Variants in WDPCP observed in about 807,000 individuals in gnomAD.
WDPCP encodes the protein WD repeat-containing and planar cell polarity effector protein fritz homolog.
Under a neutral mutation model 93.1 loss-of-function variants are expected in WDPCP, and 71 were observed. The observed-to-expected ratio is 0.76, with a 90% confidence interval of 0.63 to 0.93. The LOEUF (loss-of-function observed/expected upper bound fraction) is 0.93. Ranked by LOEUF, WDPCP falls within the 40% of genes least tolerant of loss-of-function variation. WDPCP has a pLI of 0.00. For synonymous variants in WDPCP, 315 were observed against 315.0 expected, an observed-to-expected ratio of 1.00 and a Z score of 0.00; for missense variants, 844 against 887.4, an observed-to-expected ratio of 0.95 and a Z score of 0.62.
intron 1 of WDPCP, among the ~76,000 whole-genome samples, chr2:63,560,829 T>C (rs1021516992): frequency 2.0e-5 from 3 of 152,054 alleles, no homozygotes; most frequent in South Asian, 2.1e-4. Context: ...CTGGGGCCTG[T>C]TGGGAGGTAG....
intron 13 of WDPCP, among the ~76,000 whole-genome samples, chr2:63,300,612 C>T (rs1333096326): frequency 6.6e-6 from 1 of 152,178 alleles, no homozygotes; most frequent in Non-Finnish European, 1.5e-5. Context: ...TTCCTGTTTG[C>T]AACTATCATA....
intron 2 of WDPCP, among the ~76,000 whole-genome samples, chr2:63,688,755 CCTA>C (rs1668848271): frequency 6.6e-6 from 1 of 151,946 alleles, no homozygotes; most frequent in Non-Finnish European, 1.5e-5. Flanking sequence ...AATATATATA[CCTA>C]CTATGTACTC....
intron 12 of WDPCP, among the ~76,000 whole-genome samples, chr2:63,319,628 A>G (rs1421082010): frequency 6.6e-6 from 1 of 151,998 alleles, no homozygotes; most frequent in Non-Finnish European, 1.5e-5. Context: ...ACAGGGGCCC[A>G]CTACCGCGCC....
intron 14 of WDPCP, among the ~76,000 whole-genome samples, chr2:63,215,609 A>G (rs1677257035): frequency 6.6e-6 from 1 of 152,246 alleles, no homozygotes; most frequent in South Asian, 2.1e-4. Context: ...TAAAAACCCT[A>G]GAAGAAAACC....
At chr2:63,345,664 C>A (rs1689142950) in intron 12 of WDPCP, among the ~76,000 whole-genome samples, 1 of 152,174 alleles carries the variant, frequency 6.6e-6, no homozygotes. Context: ...AACATCAAGG[C>A]AGGTCTGCTT....
chr2:63,209,576 G>T (rs896617783), intron 14 of WDPCP, among the ~76,000 whole-genome samples: 1 of 152,176 alleles, frequency 6.6e-6, no homozygotes, highest in Non-Finnish European at 1.5e-5. Flanking sequence ...ATGTTTTGGG[G>T]TTTATAAGAA....
chr2:63,835,389 C>CAAAAAAAAAAA, the WDPCP span, among the ~76,000 whole-genome samples: 4 of 42,318 alleles, frequency 9.5e-5, no homozygotes, highest in Non-Finnish European at 1.5e-4. Context: ...GACTCCATCT[C>CAAAAAAAAAAA]AAAAAAAAAA....
chr2:63,648,549 C>T (rs550367976), intron 3 of WDPCP, among the ~76,000 whole-genome samples: 2 of 152,160 alleles, frequency 1.3e-5, no homozygotes. Context: ...CCTCTGACAA[C>T]CTGCAACCCC....
At position 63,710,931 on chromosome 2, in the gene WDPCP, A is replaced by G. The variant is rs370536070; in HGVS notation, n.309-60093T>C. 9.2e-5 allele frequency among the ~76,000 whole-genome samples: 14 copies of G among 152,328 alleles called. No homozygotes were observed. In the South Asian group the frequency reaches 2.9e-3, roughly 32 times the overall value. On this transcript the variant is annotated intron_variant and non_coding_transcript_variant, in intron 2 of 4. Transcript: ENST00000467687. ...TGAAAAGGCAGGCTCATGCTGGAGT[A>G]AGCTGTGCCCAGGGAAGCTGCAACA...
intron 13 of WDPCP, among the ~76,000 whole-genome samples, chr2:63,268,040 T>G (rs1682295451): frequency 6.6e-6 from 1 of 152,194 alleles, no homozygotes; most frequent in African/African-American, 2.4e-5. Context: ...TCAAGATTTT[T>G]CACAATAGCC....
chr2:63,484,731 T>C (rs2105906111), intron 5 of WDPCP, 68 bp from the exon 6 acceptor site: 1 of 1,596,026 alleles, frequency 6.3e-7, no homozygotes, highest in South Asian at 1.1e-5. Flanking sequence ...TTAAAGTGCC[T>C]CTGATTTGCA....
chr2:63,320,486 T>C (rs1026029869), intron 12 of WDPCP, among the ~76,000 whole-genome samples: 3 of 152,124 alleles, frequency 2.0e-5, no homozygotes, highest in Non-Finnish European at 2.9e-5. Context: ...TAACATTTTG[T>C]GAGGGTTGTA....
At chr2:63,644,241 T>TA (rs1710020335) in intron 3 of WDPCP, among the ~76,000 whole-genome samples, 1 of 119,520 alleles carries the variant, frequency 8.4e-6, no homozygotes, top group Admixed American at 1.0e-4. Flanking sequence ...CTTTCTCCTC[T>TA]ACTTTTTTTT....
At chr2:63,657,097 C>T (rs1457414510) in intron 2 of WDPCP, among the ~76,000 whole-genome samples, 1 of 151,660 alleles carries the variant, frequency 6.6e-6, no homozygotes, top group Non-Finnish European at 1.5e-5. Context: ...GTGGTAAGGG[C>T]CAGGTTGTGT....
intron 2 of WDPCP, among the ~76,000 whole-genome samples, chr2:63,672,586 C>A (rs1199660102): frequency 6.6e-6 from 1 of 151,894 alleles, no homozygotes; most frequent in Admixed American, 6.6e-5. Flanking sequence ...TATGCATAAC[C>A]TAAAATTTAC....
In WDPCP at chr2:63,290,335, A is replaced by G. The variant is rs180834839; in HGVS notation, c.1812+22913T>C. Among the ~76,000 whole-genome samples, 20 of 152,192 alleles carry G rather than the reference A, an allele frequency of 1.3e-4. No individual in the cohort carries two copies. In the East Asian group the frequency reaches 3.7e-3, roughly 28 times the overall value. ...TGCACCACTTCAGTTAAAAGGCACAAATCTTACAATAATATAATTCCATTT... is the reference window on the plus strand; with the variant it reads ...TGCACCACTTCAGTTAAAAGGCACAGATCTTACAATAATATAATTCCATTT... On this transcript the variant is annotated intron_variant, in intron 13 of 17. Coordinates refer to ENST00000272321, the MANE Select transcript of WDPCP (RefSeq NM_015910.7).
intron 2 of WDPCP, among the ~76,000 whole-genome samples, chr2:63,655,742 A>G (rs1710160080): frequency 6.6e-6 from 1 of 152,196 alleles, no homozygotes; most frequent in Admixed American, 6.5e-5. Flanking sequence ...AAAAGGTGTA[A>G]TACTATATAT....
chr2:63,813,412 A>G (rs914845113), intron 2 of WDPCP, among the ~76,000 whole-genome samples: 2 of 152,226 alleles, frequency 1.3e-5, no homozygotes, highest in Non-Finnish European at 2.9e-5. Context: ...GCAAGATGCT[A>G]GTTCTGATCT....
At chr2:63,582,943 T>A (rs1708590134) in intron 1 of WDPCP, among the ~76,000 whole-genome samples, 1 of 152,002 alleles carries the variant, frequency 6.6e-6, no homozygotes, top group Non-Finnish European at 1.5e-5. Flanking sequence ...AGAAGAAAAA[T>A]CATACTATAT....
Sources: allele counts gnomAD v4.1 joint callset (sites outside exome capture counted in the v4.1 genomes callset), GRCh38; gene constraint gnomAD v4.1.1; transcripts MANE v1.5; gene names NCBI Gene and HGNC (gene_info 2026-07-23, HGNC 2026-07-21).